ACOX3: variants seen among roughly 807,000 people sequenced by gnomAD.
The protein encoded by ACOX3 is peroxisomal acyl-coenzyme A oxidase 3.
Under a neutral mutation model 81.5 loss-of-function variants are expected in ACOX3, and 73 were observed. The observed-to-expected ratio is 0.90, with a 90% CI of 0.74 to 1.09. ACOX3 has a LOEUF of 1.09. Among genes scored for constraint, ACOX3 ranks in the 50% least tolerant of loss-of-function variants. ACOX3 has a pLI of 0.00. For missense variants in ACOX3, 947 were observed against 928.0 expected, an observed-to-expected ratio of 1.02 and a Z score of -0.27; for synonymous variants, 387 against 375.1, an observed-to-expected ratio of 1.03 and a Z score of -0.37.
At chr4:8,429,049 T>A (rs1039507339) in intron 1 of ACOX3, among the ~76,000 whole-genome samples, 1 of 152,222 alleles carries the variant, frequency 6.6e-6, no homozygotes, top group African/African-American at 2.4e-5. Context: ...TCTCACACTT[T>A]CCACTTCCTC....
intron 1 of ACOX3, among the ~76,000 whole-genome samples, chr4:8,428,054 C>G (rs1166108155): frequency 6.6e-6 from 1 of 152,260 alleles, no homozygotes. Flanking sequence ...GATCACTATT[C>G]TGGCAACAGC....
At chr4:8,373,729 G>C in intron 15 of ACOX3, 101 bp from the exon 16 acceptor site, 1 of 1,090,296 alleles carries the variant, frequency 9.2e-7, no homozygotes, top group South Asian at 1.4e-5. Flanking sequence ...CCATATAGGA[G>C]GCCTGTTTTG....
chr4:8,358,874 G>T, the ACOX3 span, among the ~76,000 whole-genome samples: 1 of 152,258 alleles, frequency 6.6e-6, no homozygotes, highest in Admixed American at 6.5e-5. Context: ...TTGTCTATGG[G>T]TAGCCCTTTT....
chr4:8,400,828 G>C lies in ACOX3; in HGVS notation c.777-1176C>G, dbSNP rs1047699484. Among the ~76,000 whole-genome samples the C allele has an allele frequency of 6.6e-6, 1 of 152,196 alleles. No individual in the cohort carries two copies. The highest frequency in any genetic ancestry group is 1.5e-5 in the Non-Finnish European group (1 of 68,038). ...AGACAATTTTTCCACGAATGAGGGGGAGGTGGGAGTGGTTTCGGGATGATT... is the reference window on the plus strand; with the variant it reads ...AGACAATTTTTCCACGAATGAGGGGCAGGTGGGAGTGGTTTCGGGATGATT... On this transcript the variant is annotated intron_variant, in intron 7 of 17. Coordinates refer to ENST00000356406, the MANE Select transcript of ACOX3 (RefSeq NM_003501.3). The surrounding 1 kb of genome is among the most constrained non-coding windows in gnomAD (Gnocchi z 4.4).
chr4:8,435,348 T>A (rs1221796281), intron 1 of ACOX3, among the ~76,000 whole-genome samples: 1 of 152,090 alleles, frequency 6.6e-6, no homozygotes, highest in African/African-American at 2.4e-5. Flanking sequence ...AACAAAAAAT[T>A]AGCCAGGCGT....
At chr4:8,395,765 G>A (rs1218401830) in intron 9 of ACOX3, among the ~76,000 whole-genome samples, 1 of 152,240 alleles carries the variant, frequency 6.6e-6, no homozygotes, top group African/African-American at 2.4e-5. Flanking sequence ...GGAGGGGATG[G>A]GTGCCACACA....
rs1285285498 is a variant in ACOX3, at chr4:8,419,665, T to C, written c.-14-3130A>G. Among the ~76,000 whole-genome samples the C allele has an allele frequency of 1.3e-5, 2 of 152,072 alleles. No individual in the cohort carries two copies. The highest frequency in any genetic ancestry group is 2.9e-5 in the Non-Finnish European group (2 of 68,024). On this transcript the variant is annotated intron_variant, in intron 1 of 17. Transcript: ENST00000356406. The surrounding 1 kb of genome is among the most constrained non-coding windows in gnomAD (Gnocchi z 4.2). ...AACCGAAAACATCACGTCCTCAATGTGTGCAAGGCTCCCCGATTCACACCT... is the reference window on the plus strand; with the variant it reads ...AACCGAAAACATCACGTCCTCAATGCGTGCAAGGCTCCCCGATTCACACCT...
At chr4:8,410,682 AGCTGTCTGTGCACTGTGGGCGGG>A (rs1180484973) in intron 5 of ACOX3, among the ~76,000 whole-genome samples, 5 of 151,822 alleles carry the variant, frequency 3.3e-5, no homozygotes, top group African/African-American at 1.2e-4. Flanking sequence ...CTGTGGGCGG[AGCTGTCTGTGCACTGTGGGCGGG>A]GCTGTCTGTG....
Position 8,400,208 on chromosome 4 carries a change from G to A in ACOX3, c.777-556C>T, listed in dbSNP as rs914305566. ...GGAAGTTGCAGTGAGCCAAGATCAC[G>A]CCACTGCACTCCAGCCTTGGTGACA... On this transcript the variant is annotated intron_variant, in intron 7 of 17. Coordinates refer to ENST00000356406, the MANE Select transcript of ACOX3 (RefSeq NM_003501.3). This position sits in a 1 kb window ranked among gnomAD's most constrained non-coding sequence, Gnocchi z 4.4. 3.3e-5 allele frequency among the ~76,000 whole-genome samples: 5 copies of A among 151,680 alleles called. No homozygotes were observed. Among genetic ancestry groups the A allele is most frequent in the Admixed American group, 2.6e-4 (4 of 15,216 alleles).
chr4:8,413,430 A>C (rs1484411087), intron 5 of ACOX3, among the ~76,000 whole-genome samples: 10 of 84,928 alleles, frequency 1.2e-4, no homozygotes, highest in East Asian at 3.6e-4. Flanking sequence ...GGCCCGTCTC[A>C]CTGAACCCCT....
chr4:8,407,206 T>C lies in ACOX3; in HGVS notation c.688-1163A>G, dbSNP rs1165343848. Among the ~76,000 whole-genome samples, 1 of 152,232 alleles carries C rather than the reference T, an allele frequency of 6.6e-6. No homozygotes were observed. The highest frequency in any genetic ancestry group is 1.5e-5 in the Non-Finnish European group (1 of 68,040). On this transcript the variant is annotated intron_variant, in intron 6 of 17. Coordinates refer to ENST00000356406, the MANE Select transcript of ACOX3 (RefSeq NM_003501.3). This position sits in a 1 kb window ranked among gnomAD's most constrained non-coding sequence, Gnocchi z 4.6. The stretch of plus-strand genomic sequence containing the variant: ...TATCTCTGTATGGCCTGGTTTTTCC[T>C]AGGTTATGATTATAGAGCGAGGATT...
intron 5 of ACOX3, among the ~76,000 whole-genome samples, chr4:8,411,396 T>C (rs758009573): frequency 1.3e-5 from 2 of 152,174 alleles, no homozygotes; most frequent in Non-Finnish European, 2.9e-5. Flanking sequence ...AATCATCCTA[T>C]AGATCCTGAA....
At position 8,389,407 on chromosome 4, in the gene ACOX3, A is replaced by G; in HGVS notation, c.1424-121T>C. On this transcript the variant is annotated intron_variant, in intron 12 of 17. Coordinates refer to ENST00000356406, the MANE Select transcript of ACOX3 (RefSeq NM_003501.3). This position sits in a 1 kb window ranked among gnomAD's most constrained non-coding sequence, Gnocchi z 5.3. Reference sequence around the variant, plus strand: ...GAGGACCCGACGGCCACAGACCCACAGGCGAGGGTCTGGGTCTCAAGGACC... The same window carrying G: ...GAGGACCCGACGGCCACAGACCCACGGGCGAGGGTCTGGGTCTCAAGGACC... 8.0e-7 allele frequency: 1 copy of G among 1,254,130 alleles called. No individual in the cohort carries two copies. The allele number at this position is 1,254,130 out of a possible 1,614,324, so 77.7% of individuals were successfully genotyped here.
intron 14 of ACOX3, among the ~76,000 whole-genome samples, chr4:8,376,631 C>T (rs753290591): frequency 3.3e-5 from 5 of 152,170 alleles, no homozygotes; most frequent in South Asian, 4.1e-4. Context: ...CCAAGACCCC[C>T]GCTGGGCCCC....
intron 13 of ACOX3, among the ~76,000 whole-genome samples, chr4:8,383,848 T>A (rs529041746): frequency 6.6e-6 from 1 of 152,330 alleles, no homozygotes; most frequent in South Asian, 2.1e-4. Flanking sequence ...GCAGGGCAGA[T>A]GGTCACGAAC....
intron 1 of ACOX3, among the ~76,000 whole-genome samples, chr4:8,418,101 AAAG>A (rs1245685814): frequency 6.6e-6 from 1 of 152,232 alleles, no homozygotes; most frequent in African/African-American, 2.4e-5. Context: ...CCAAACATTT[AAAG>A]AAGATCAATT....
intron 1 of ACOX3, among the ~76,000 whole-genome samples, chr4:8,427,581 A>C (rs1221766599): frequency 2.6e-5 from 4 of 152,242 alleles, no homozygotes; most frequent in African/African-American, 9.6e-5. Flanking sequence ...TGAGGTGAAC[A>C]CTAGTCGCTG....
At chr4:8,408,909 G>C (rs1560193666) in intron 6 of ACOX3, among the ~76,000 whole-genome samples, 6 of 105,974 alleles carry the variant, frequency 5.7e-5, no homozygotes, top group South Asian at 4.0e-4. Flanking sequence ...GGGGGTGGGG[G>C]GGGGGTGGGG....
At chr4:8,376,660 C>T (rs537469906) in intron 14 of ACOX3, among the ~76,000 whole-genome samples, 117 of 152,264 alleles carry the variant, frequency 7.7e-4, no homozygotes, top group Non-Finnish European at 1.4e-3. Flanking sequence ...CTGGGTGGGC[C>T]GTCCTGTCGG....
Sources: gnomAD v4.1 joint callset for allele counts (sites outside exome capture counted in the v4.1 genomes callset) on GRCh38, gnomAD v4.1.1 for gene constraint, Gnocchi (gnomAD v3.1) non-coding constraint, MANE v1.5 for transcripts, NCBI Gene and HGNC (gene_info 2026-07-23, HGNC 2026-07-21) for gene names.